Variants in ATM observed in about 807,000 individuals in gnomAD.
The protein encoded by ATM is ATM serine/threonine kinase, also known as serine-protein kinase ATM.
ATM carries 308 observed loss-of-function variants against 387.0 expected under a neutral mutation model. The observed-to-expected ratio is 0.80, with a 90% CI of 0.73 to 0.87. ATM has a LOEUF of 0.87. Ranked by LOEUF, ATM falls within the 40% of genes least tolerant of loss-of-function variation. The probability of loss-of-function intolerance (pLI) is 0.00; values close to 1 mark genes in which losing one functional copy is unlikely to be tolerated. For missense variants in ATM, 3,312 were observed against 3,560.9 expected (o/e 0.93, Z 1.78); for synonymous variants, 1,156 against 1,187.3 (o/e 0.97, Z 0.54).
chr11:108,284,476 A>G lies in ATM; in HGVS notation c.3993+3A>G, dbSNP rs771789242. ...GTGAAAACTTATTGGGAAAACAGGT[A>G]TGGCTTCAATTTTTATGTACTTTTC... On this transcript the variant is annotated splice_donor_region_variant and intron_variant, in intron 26 of 62. Coordinates refer to ENST00000675843, the MANE Select transcript of ATM (RefSeq NM_000051.4). 1.9e-6 allele frequency: 3 copies of G among 1,613,822 alleles called. No individual in the cohort carries two copies. The Admixed American group carries it at 5.0e-5, about 27-fold the overall frequency.
At chr11:108,295,429 G>T in intron 32 of ATM, 1 of 247,038 alleles carries the variant, frequency 4.0e-6, no homozygotes, top group Non-Finnish European at 7.9e-6. Context: ...TGGGTACAAG[G>T]AATTCTCCTG....
intron 13 of ATM, 84 bp downstream of exon 13, chr11:108,254,123 AAC>A: frequency 7.5e-7 from 1 of 1,331,992 alleles, no homozygotes; most frequent in South Asian, 1.2e-5. Flanking sequence ...GGGCAGGAAA[AAC>A]AGCAAGGATG....
chr11:108,260,455 T>G (rs1591556259), intron 16 of ATM, among the ~76,000 whole-genome samples: 2 of 152,334 alleles, frequency 1.3e-5, no homozygotes, highest in African/African-American at 2.4e-5. Context: ...ATGATGGATG[T>G]AGGATAATTT....
Position 108,279,602 on chromosome 11 carries a change from A to T in ATM, c.3396A>T (p.Arg1132Ser). Residue 1132 changes from arginine (R) to serine (S), a missense_variant, in exon 23 of 63, where the codon AGA (arginine) becomes AGT (serine). This residue lies in a region of ATM where 1,791 missense variants were observed against 1,804.5 expected (regional missense o/e 0.99). Coordinates refer to ENST00000675843, the MANE Select transcript of ATM (RefSeq NM_000051.4). ...NAYLKAQEGMREMSHSAENPE... is the reference protein window; with the variant it reads ...NAYLKAQEGMSEMSHSAENPE... ...ACTTGAAAGCTCAGGAAGGAATGAG[A>T]GAAATGGTAATTTTAAGTAACATGT... is the stretch of plus-strand genomic sequence containing the variant. 1 of 1,604,680 alleles carries T rather than the reference A, an allele frequency of 6.2e-7. No homozygotes were observed. Among genetic ancestry groups the T allele is most frequent in the Non-Finnish European group, 8.5e-7 (1 of 1,171,730 alleles).
intron 35 of ATM, among the ~76,000 whole-genome samples, chr11:108,302,603 C>T (rs1282083370): frequency 1.3e-5 from 2 of 152,078 alleles, no homozygotes; most frequent in African/African-American, 2.4e-5. Flanking sequence ...GTGTAATATG[C>T]TACTAATGAG....
intron 25 of ATM, among the ~76,000 whole-genome samples, chr11:108,283,125 C>T (rs937973791): frequency 6.6e-6 from 1 of 152,160 alleles, no homozygotes; most frequent in Admixed American, 6.6e-5. Context: ...CACATAAAGA[C>T]CCTCTATGCC....
rs1370262422 is a variant in ATM at position 108,365,313 on chromosome 11, T to A, written c.8988-12T>A. On this transcript the variant is annotated splice_polypyrimidine_tract_variant and intron_variant, in intron 62 of 62. Transcript: ENST00000675843. ...GTTCACCTCACTGAAACCTTTGTGT[T>A]TTTGTCCTTAGTGATATTGACCAGA... The A allele has an allele frequency of 6.2e-7, 1 of 1,614,212 alleles. No individual in the cohort carries two copies. The highest frequency in any genetic ancestry group is 2.2e-5 in the East Asian group (1 of 44,880).
intron 59 of ATM, among the ~76,000 whole-genome samples, chr11:108,352,822 A>C (rs890921189): frequency 2.0e-5 from 3 of 152,238 alleles, no homozygotes; most frequent in Non-Finnish European, 4.4e-5. Flanking sequence ...AAGGTTACAT[A>C]CTGTATGATT....
chr11:108,268,755 AAC>A, intron 18 of ATM, 146 bp downstream of exon 18: 2 of 888,958 alleles, frequency 2.2e-6, no homozygotes, highest in Non-Finnish European at 3.6e-6. Flanking sequence ...GTTGGAAAAT[AAC>A]ACTTTTAACG....
intron 16 of ATM, among the ~76,000 whole-genome samples, chr11:108,266,367 C>G (rs1388605619): frequency 6.6e-6 from 1 of 151,742 alleles, no homozygotes; most frequent in Non-Finnish European, 1.5e-5. Flanking sequence ...TCATCATTCT[C>G]AGTAAACTGT....
chr11:108,365,563 T>TTTA lies in ATM; in HGVS notation c.*58_*60dup, dbSNP rs1001404454. On this transcript the variant is annotated 3_prime_UTR_variant, in exon 63 of 63. Coordinates refer to ENST00000675843, the MANE Select transcript of ATM (RefSeq NM_000051.4). Reference sequence around the variant, plus strand: ...AGCCTTTAGAAATTATATTTTAGCCTTTATTTTTAACCTGCCAACATACTT... The same window carrying TTTA: ...AGCCTTTAGAAATTATATTTTAGCCTTTATTATTTTTAACCTGCCAACATACTT... The TTTA allele has an allele frequency of 6.4e-7, 1 of 1,568,376 alleles. No homozygotes were observed. The highest frequency in any genetic ancestry group is 8.7e-7 in the Non-Finnish European group (1 of 1,151,930).
At chr11:108,320,711 T>C (rs1273997416) in intron 44 of ATM, among the ~76,000 whole-genome samples, 3 of 152,074 alleles carry the variant, frequency 2.0e-5, no homozygotes, top group African/African-American at 7.2e-5. Flanking sequence ...GATTCCAAGG[T>C]TTACAGTTGA....
At chr11:108,363,769 G>C (rs925071737) in intron 61 of ATM, among the ~76,000 whole-genome samples, 42 of 152,024 alleles carry the variant, frequency 2.8e-4, no homozygotes, top group African/African-American at 1.0e-3. Flanking sequence ...ACTTATTCCA[G>C]TTCCTCCTTA....
intron 61 of ATM, 125 bp from the exon 62 acceptor site, chr11:108,364,957 G>A (rs2091177474): frequency 1.9e-6 from 2 of 1,066,038 alleles, no homozygotes; most frequent in Non-Finnish European, 2.8e-6. Context: ...TGTGCATGAT[G>A]TTTGTTCCCC....
intron 56 of ATM, among the ~76,000 whole-genome samples, chr11:108,337,090 G>A (rs1318952799): frequency 1.3e-5 from 2 of 152,022 alleles, no homozygotes; most frequent in Non-Finnish European, 2.9e-5. Flanking sequence ...GGGGAGTGAA[G>A]AAGAATAAAT....
chr11:108,289,781 G>A lies in ATM; in HGVS notation c.4416G>A (p.Leu1472=), dbSNP rs201526888. 35 of 1,612,920 alleles carry A rather than the reference G, an allele frequency of 2.2e-5. No homozygotes were observed. Among genetic ancestry groups the A allele is most frequent in the Non-Finnish European group, 2.9e-5 (34 of 1,179,826 alleles). The part of the protein sequence containing the change: ...AFVLRDVIYT[L]IHYINQRPSC... ...TTCTTCGAGACGTTATTTATACTTT[G>A]ATTCACTATATCAACCAAAGGTAAA... Residue 1472 remains leucine, a synonymous_variant, in exon 29 of 63, where the codon TTG becomes TTA. Transcript: ENST00000675843.
chr11:108,320,951 A>T (rs1005734272), intron 44 of ATM, among the ~76,000 whole-genome samples: 2 of 152,240 alleles, frequency 1.3e-5, no homozygotes, highest in Non-Finnish European at 2.9e-5. Flanking sequence ...TGAAAATTAT[A>T]AGGAAGAGAA....
chr11:108,267,445 C>G (rs1231724192), intron 17 of ATM, 103 bp downstream of exon 17: 11 of 996,186 alleles, frequency 1.1e-5, no homozygotes, highest in African/African-American at 3.2e-5. Flanking sequence ...TTCATTTTCT[C>G]TTAGTATAGC....
chr11:108,315,735 A>G (rs2136113513), intron 40 of ATM, 88 bp from the exon 41 acceptor site: 1 of 902,372 alleles, frequency 1.1e-6, no homozygotes. Context: ...TGGGAGTTAC[A>G]TATTGGTAAT....
Sources: gnomAD v4.1 joint callset for allele counts (sites outside exome capture counted in the v4.1 genomes callset) on GRCh38, gnomAD v4.1.1 for gene constraint, gnomAD v4.1.1 regional missense constraint, MANE v1.5 for transcripts, NCBI Gene and HGNC (gene_info 2026-07-23, HGNC 2026-07-21) for gene names.